The following NUDT5 variants were observed in gnomAD, a reference collection of about 807,000 sequenced individuals.
NUDT5 encodes ADP-sugar pyrophosphatase.
In NUDT5, 21 loss-of-function variants were observed where a neutral mutation model predicts 34.1. That is an observed-to-expected ratio of 0.62 (90% CI 0.44 to 0.89). The LOEUF is 0.89. Ranked by LOEUF, NUDT5 falls within the 40% of genes least tolerant of loss-of-function variation. The pLI, the probability that NUDT5 is intolerant of heterozygous loss-of-function variation, is 0.00. For missense variants in NUDT5, 249 were observed against 274.8 expected (o/e 0.91, Z 0.66); for synonymous variants, 85 against 97.6 (o/e 0.87, Z 0.76).
intron 3 of NUDT5, among the ~76,000 whole-genome samples, chr10:12,180,907 G>A (rs11257581): frequency 0.02 from 3,120 of 152,260 alleles, 84 homozygotes; most frequent in South Asian, 0.11. Context: ...AGGGTCAGAG[G>A]GTGACTTCGG....
chr10:12,178,993 T>C (rs763717895), intron 4 of NUDT5, 90 bp downstream of exon 4: 6 of 1,057,016 alleles, frequency 5.7e-6, no homozygotes, highest in Non-Finnish European at 7.4e-6. Context: ...AACATCCTAA[T>C]AGAAGTTAAC....
rs1019294596 is a variant in NUDT5, at chr10:12,182,643, C to G, written c.131+2246G>C. Among the ~76,000 whole-genome samples the G allele has an allele frequency of 2.0e-5, 3 of 152,224 alleles. No homozygotes were observed. Among genetic ancestry groups the G allele is most frequent in the Non-Finnish European group, 4.4e-5 (3 of 68,042 alleles). On this transcript the variant is annotated intron_variant, in intron 3 of 9. Coordinates refer to ENST00000491614, the MANE Select transcript of NUDT5 (RefSeq NM_014142.4). The surrounding 1 kb of genome is among the most constrained non-coding windows in gnomAD (Gnocchi z 4.3). ...TTCGTCGTATTTTCAGAAAAGTCCC[C>G]ATATGATTCTGATGTACATCCCTGA... is the stretch of plus-strand genomic sequence containing the variant.
At chr10:12,185,793 T>C (rs191414513) in intron 2 of NUDT5, among the ~76,000 whole-genome samples, 52 of 152,326 alleles carry the variant, frequency 3.4e-4, no homozygotes, top group Admixed American at 1.1e-3. Flanking sequence ...TAAAGCTAAA[T>C]TGAATAACAC....
In NUDT5 at chr10:12,190,783, AT is replaced by A. The variant is rs1835211162; in HGVS notation, c.-41-4452del. ...ACCACCACACCCGGCTGATTTTTGC[AT>A]TTTTAGTAGAGACGGGGTTTCACCA... is the stretch of plus-strand genomic sequence containing the variant. On this transcript the variant is annotated intron_variant, in intron 1 of 9. Coordinates refer to ENST00000491614, the MANE Select transcript of NUDT5 (RefSeq NM_014142.4). Among the ~76,000 whole-genome samples the A allele has an allele frequency of 2.6e-5, 4 of 151,552 alleles. No homozygotes were observed. The South Asian group carries it at 8.4e-4, about 32-fold the overall frequency.
rs887276577 is a variant in NUDT5, at chr10:12,166,935, T to A, written c.*767A>T. The A allele has an allele frequency of 5.0e-5, 14 of 278,926 alleles. No homozygotes were observed. Among genetic ancestry groups the A allele is most frequent in the Non-Finnish European group, 8.9e-5 (12 of 134,154 alleles). 17.3% of individuals were successfully genotyped at this position (278,926 alleles called of 1,614,324 possible). ...TGCTGGTTCTGTTCATGGTTTAACA[T>A]CAAGATATTACTGCCCCAAACATGT... On this transcript the variant is annotated 3_prime_UTR_variant, in exon 10 of 10. Coordinates refer to ENST00000491614, the MANE Select transcript of NUDT5 (RefSeq NM_014142.4).
Position 12,170,296 on chromosome 10 carries a change from G to T in NUDT5, c.550+421C>A. On this transcript the variant is annotated intron_variant, in intron 9 of 9. Coordinates refer to ENST00000491614, the MANE Select transcript of NUDT5 (RefSeq NM_014142.4). This position sits in a 1 kb window ranked among gnomAD's most constrained non-coding sequence, Gnocchi z 4.9. ...GAAATACCTCAAGTATTTGTTGAAGGAGCATCATCAATTTCTCCTTGAACA... is the reference window on the plus strand; with the variant it reads ...GAAATACCTCAAGTATTTGTTGAAGTAGCATCATCAATTTCTCCTTGAACA... The T allele has an allele frequency of 8.8e-7, 1 of 1,134,934 alleles. No homozygotes were observed. The highest frequency in any genetic ancestry group is 1.3e-6 in the Non-Finnish European group (1 of 766,988). 70.3% of individuals were successfully genotyped at this position (1,134,934 alleles called of 1,614,324 possible).
chr10:12,183,300 C>T (rs1835073603), intron 3 of NUDT5, among the ~76,000 whole-genome samples: 1 of 152,148 alleles, frequency 6.6e-6, no homozygotes, highest in Non-Finnish European at 1.5e-5. Flanking sequence ...TGAAGAGTTA[C>T]AGTCTTTCAT....
chr10:12,185,729 A>C (rs1835116041), intron 2 of NUDT5, among the ~76,000 whole-genome samples: 1 of 152,236 alleles, frequency 6.6e-6, no homozygotes, highest in Admixed American at 6.5e-5. Flanking sequence ...CAGAGATCCA[A>C]GATGAAGGAT....
intron 4 of NUDT5, among the ~76,000 whole-genome samples, chr10:12,178,743 A>G (rs1240652357): frequency 6.6e-6 from 1 of 152,222 alleles, no homozygotes. Context: ...TAACTTTCCA[A>G]ACTAAAGCCT....
chr10:12,193,232 G>C (rs1835266154), intron 1 of NUDT5, among the ~76,000 whole-genome samples: 1 of 152,166 alleles, frequency 6.6e-6, no homozygotes, highest in African/African-American at 2.4e-5. Flanking sequence ...CACGAAGACA[G>C]TTTTAAGGGA....
chr10:12,171,730 TA>T lies in NUDT5; in HGVS notation c.488-823del, dbSNP rs1328043770. Among the ~76,000 whole-genome samples, 1 of 150,880 alleles carries T rather than the reference TA, an allele frequency of 6.6e-6. No individual in the cohort carries two copies. The highest frequency in any genetic ancestry group is 1.9e-4 in the East Asian group (1 of 5,170). On this transcript the variant is annotated intron_variant, in intron 7 of 9. Transcript: ENST00000491614. This position sits in a 1 kb window ranked among gnomAD's most constrained non-coding sequence, Gnocchi z 4.2. ...TTATTTATTTATTTATTTATTTATT[TA>T]TTTATTTTTTGGAGACAGGGTCTCA...
chr10:12,186,659 ACT>A (rs1410856065), intron 1 of NUDT5, among the ~76,000 whole-genome samples: 1 of 145,110 alleles, frequency 6.9e-6, no homozygotes, highest in African/African-American at 2.6e-5. Flanking sequence ...AGAGAGTCTC[ACT>A]CTGTTGCCCA....
intron 1 of NUDT5, among the ~76,000 whole-genome samples, chr10:12,194,638 A>G (rs1835298232): frequency 6.6e-6 from 1 of 152,232 alleles, no homozygotes; most frequent in Non-Finnish European, 1.5e-5. Context: ...ACCCAAAACA[A>G]TGTATATATT....
intron 3 of NUDT5, chr10:12,184,379 C>A: frequency 6.8e-6 from 5 of 736,326 alleles, no homozygotes; most frequent in South Asian, 2.1e-5. Context: ...TTTGTTAAAA[C>A]TGGGATTACT....
chr10:12,179,331 A>G (rs1835008861), intron 3 of NUDT5, among the ~76,000 whole-genome samples, 199 bp from the exon 4 acceptor site: 1 of 152,228 alleles, frequency 6.6e-6, no homozygotes, highest in South Asian at 2.1e-4. Context: ...TTAACAACGA[A>G]AACTCTTGCC....
At chr10:12,172,549 A>G (rs1019273191) in intron 7 of NUDT5, 9 of 584,296 alleles carry the variant, frequency 1.5e-5, no homozygotes, top group Non-Finnish European at 2.1e-5. Flanking sequence ...GTCATTTAAC[A>G]TTTTTTTACA....
chr10:12,181,852 G>A lies in NUDT5; in HGVS notation c.132-2720C>T, dbSNP rs1333059120. ...AAATTAAATAAATTTAAAAAAAAAG[G>A]ATATGGCCGGATGCGGTGGCTCACG... On this transcript the variant is annotated intron_variant, in intron 3 of 9. Transcript: ENST00000491614. The surrounding 1 kb of genome is among the most constrained non-coding windows in gnomAD (Gnocchi z 5.0). Among the ~76,000 whole-genome samples the A allele has an allele frequency of 2.6e-5, 4 of 151,724 alleles. No homozygotes were observed. Among genetic ancestry groups the A allele is most frequent in the African/African-American group, 9.7e-5 (4 of 41,288 alleles).
In NUDT5 at chr10:12,165,804, C is replaced by T. The variant is rs949290546; in HGVS notation, c.*1898G>A. 6.6e-6 allele frequency: 1 copy of T among 152,146 alleles called. No homozygotes were observed. The highest frequency in any genetic ancestry group is 2.4e-5 in the African/African-American group (1 of 41,430). The allele number at this position is 152,146 out of a possible 1,614,324, so 9.4% of individuals were successfully genotyped here. On this transcript the variant is annotated 3_prime_UTR_variant, in exon 10 of 10. Coordinates refer to ENST00000491614, the MANE Select transcript of NUDT5 (RefSeq NM_014142.4). ...CTTACAAAGCCAAATAATCGCAGGGCAAGGCAGATAAAGGCAGGCAGGATA... is the reference window on the plus strand; with the variant it reads ...CTTACAAAGCCAAATAATCGCAGGGTAAGGCAGATAAAGGCAGGCAGGATA...
chr10:12,176,154 G>A (rs979294546), intron 5 of NUDT5, among the ~76,000 whole-genome samples: 30 of 151,384 alleles, frequency 2.0e-4, no homozygotes, highest in Middle Eastern at 3.4e-3. Flanking sequence ...CTGAGATCCT[G>A]CCATTGCACT....
Sources: gnomAD v4.1 joint callset for allele counts (sites outside exome capture counted in the v4.1 genomes callset) on GRCh38, gnomAD v4.1.1 for gene constraint, Gnocchi (gnomAD v3.1) non-coding constraint, MANE v1.5 for transcripts, NCBI Gene and HGNC (gene_info 2026-07-23, HGNC 2026-07-21) for gene names.